SLC23A1: variants seen among roughly 807,000 people sequenced by gnomAD.
SLC23A1 encodes the protein Na(+)/L-ascorbic acid transporter 1.
SLC23A1 carries 31 observed loss-of-function variants against 62.5 expected under a neutral mutation model. The observed-to-expected ratio is 0.50, with a 90% CI of 0.37 to 0.67. The LOEUF (loss-of-function observed/expected upper bound fraction) is 0.67. Among genes scored for constraint, SLC23A1 ranks in the 30% least tolerant of loss-of-function variants. The pLI is 0.00. For missense variants in SLC23A1, 640 were observed against 782.7 expected, an observed-to-expected ratio of 0.82 and a Z score of 2.18; for synonymous variants, 271 against 313.2, an observed-to-expected ratio of 0.87 and a Z score of 1.42.
rs72552210 is a variant in SLC23A1 at position 139,367,870 on chromosome 5, A to G, written c.*20-239T>C. Reference sequence around the variant, plus strand: ...GTTACTGGATTTCTGGTTACACTTAAGCAAACTGAATTTCAATTCCTATTT... The same window carrying G: ...GTTACTGGATTTCTGGTTACACTTAGGCAAACTGAATTTCAATTCCTATTT... On this transcript the variant is annotated intron_variant, in intron 14 of 14. Coordinates refer to ENST00000348729, the MANE Select transcript of SLC23A1 (RefSeq NM_005847.5). Among the ~76,000 whole-genome samples, 1,193 of 152,308 alleles carry G rather than the reference A, an allele frequency of 7.8e-3. 20 individuals are homozygous for G. The highest frequency in any genetic ancestry group is 0.04 in the East Asian group (206 of 5,192).
chr5:139,370,786 TA>T (rs1561970158), intron 14 of SLC23A1, among the ~76,000 whole-genome samples: 1 of 151,332 alleles, frequency 6.6e-6, no homozygotes, highest in Admixed American at 6.6e-5. Flanking sequence ...GAAAAAAATT[TA>T]AAAAAAGAAA....
At chr5:139,368,044 C>T (rs988419009) in intron 14 of SLC23A1, among the ~76,000 whole-genome samples, 1 of 151,752 alleles carries the variant, frequency 6.6e-6, no homozygotes, top group East Asian at 1.9e-4. Flanking sequence ...ACTAAAAATA[C>T]GAAAAATTAG....
In SLC23A1 at chr5:139,378,056, G is replaced by A. The variant is rs982840102; in HGVS notation, c.1372C>T (p.Leu458Phe). The A allele has an allele frequency of 1.5e-5, 24 of 1,614,188 alleles. No homozygotes were observed. The highest frequency in any genetic ancestry group is 1.9e-5 in the Non-Finnish European group (23 of 1,180,010). ...AACATGGAAAATCCCAGCACGAAGA[G>A]GTTGCGAGAGGAGTTCATGTCCACA... ...QFVDMNSSRN[L>F]FVLGFSMFFG... Residue 458 changes from leucine to phenylalanine, a missense_variant, in exon 12 of 15, where the codon CTC becomes TTC. Transcript: ENST00000348729. This position sits in a 1 kb window ranked among gnomAD's most constrained non-coding sequence, Gnocchi z 4.5.
chr5:139,381,219 A>G (rs938978678), intron 3 of SLC23A1, among the ~76,000 whole-genome samples: 11 of 152,192 alleles, frequency 7.2e-5, no homozygotes, highest in Admixed American at 6.5e-5. Context: ...CGCTGCTCAA[A>G]CAGCTCAAAT....
chr5:139,372,879 G>A lies in SLC23A1; in HGVS notation c.1550-626C>T, dbSNP rs970702565. Among the ~76,000 whole-genome samples, 12 of 152,144 alleles carry A rather than the reference G, an allele frequency of 7.9e-5. No homozygotes were observed. In the South Asian group the frequency reaches 1.5e-3, roughly 18 times the overall value. On this transcript the variant is annotated intron_variant, in intron 13 of 14. Coordinates refer to ENST00000348729, the MANE Select transcript of SLC23A1 (RefSeq NM_005847.5). ...ATTATAAGCGTGAGCCACTGTGCCC[G>A]GCCTATACAAAATTTTAAGATGAAG...
At chr5:139,385,666 A>G (rs922516685), upstream of SLC23A1, among the ~76,000 whole-genome samples, 2 of 152,224 alleles carry the variant, frequency 1.3e-5, no homozygotes, top group Non-Finnish European at 2.9e-5. Context: ...TAACTTAATC[A>G]GTTCCATCTT....
chr5:139,372,232 A>C lies in SLC23A1; in HGVS notation c.1571T>G (p.Leu524Arg), dbSNP rs1757708831. The C allele has an allele frequency of 6.2e-7, 1 of 1,613,772 alleles. No individual in the cohort carries two copies. The highest frequency in any genetic ancestry group is 1.7e-5 in the Admixed American group (1 of 59,994). The part of the protein sequence containing the change: ...TVPGSPEERG[L>R]IQWKAGAHAN... Reference sequence around the variant, plus strand: ...ATGAGCCCCAGCTTTCCACTGTATCAGACCACGCTCCTCTGGGCTCCCTGG... The same window carrying C: ...ATGAGCCCCAGCTTTCCACTGTATCCGACCACGCTCCTCTGGGCTCCCTGG... The change falls in exon 14 of 15, where the codon CTG becomes CGG. Residue 524 changes from leucine (L) to arginine (R), a missense_variant. Transcript: ENST00000348729.
rs1037614724 is a variant in SLC23A1 at position 139,378,966 on chromosome 5, G to A, written c.1073+241C>T. Reference sequence around the variant, plus strand: ...TGCATAAGAATGCACAGTCAGAGCCGGGCACATGGAGGGCTGTCAATGACG... The same window carrying A: ...TGCATAAGAATGCACAGTCAGAGCCAGGCACATGGAGGGCTGTCAATGACG... On this transcript the variant is annotated intron_variant, in intron 9 of 14. Transcript: ENST00000348729. This position sits in a 1 kb window ranked among gnomAD's most constrained non-coding sequence, Gnocchi z 4.5. 4.6e-5 allele frequency among the ~76,000 whole-genome samples: 7 copies of A among 152,156 alleles called. No homozygotes were observed. Among genetic ancestry groups the A allele is most frequent in the Non-Finnish European group, 8.8e-5 (6 of 68,032 alleles).
intron 14 of SLC23A1, among the ~76,000 whole-genome samples, chr5:139,371,293 C>G (rs1287339594): frequency 6.6e-6 from 1 of 152,122 alleles, no homozygotes; most frequent in Non-Finnish European, 1.5e-5. Flanking sequence ...ATTAAGGAGT[C>G]ATCTAGGCTA....
At chr5:139,373,876 C>G (rs528047728) in intron 13 of SLC23A1, among the ~76,000 whole-genome samples, 1 of 152,092 alleles carries the variant, frequency 6.6e-6, no homozygotes, top group African/African-American at 2.4e-5. Context: ...TTCTGGTGTC[C>G]GATTACCTCG....
At chr5:139,374,381 C>T (rs1052737805) in intron 13 of SLC23A1, among the ~76,000 whole-genome samples, 1 of 152,042 alleles carries the variant, frequency 6.6e-6, no homozygotes, top group Non-Finnish European at 1.5e-5. Flanking sequence ...CTGGGAGGCA[C>T]AGCCAAGATT....
upstream of SLC23A1, among the ~76,000 whole-genome samples, chr5:139,383,761 G>A (rs531387853): frequency 2.0e-5 from 3 of 152,350 alleles, no homozygotes; most frequent in African/African-American, 4.8e-5. Flanking sequence ...TGTGCTGGGC[G>A]GTATTAACCC....
chr5:139,380,463 T>A, intron 5 of SLC23A1, 74 bp from the exon 6 acceptor site: 1 of 1,599,968 alleles, frequency 6.3e-7, no homozygotes, highest in Non-Finnish European at 8.6e-7. Flanking sequence ...GGAACAAAGC[T>A]CCTGGACCAC....
At chr5:139,368,718 G>T in intron 14 of SLC23A1, 1 of 1,596,220 alleles carries the variant, frequency 6.3e-7, no homozygotes, top group Non-Finnish European at 8.6e-7. Context: ...GCTTTTTTAT[G>T]TACTTATTTT....
chr5:139,371,622 A>G (rs1459104830), intron 14 of SLC23A1, among the ~76,000 whole-genome samples: 4 of 152,240 alleles, frequency 2.6e-5, no homozygotes, highest in Non-Finnish European at 5.9e-5. Context: ...CGCATATCAA[A>G]GTGATACTTG....
intron 14 of SLC23A1, among the ~76,000 whole-genome samples, chr5:139,371,200 C>T (rs1216122825): frequency 6.6e-6 from 1 of 152,212 alleles, no homozygotes; most frequent in Non-Finnish European, 1.5e-5. Flanking sequence ...GCAGTAATAA[C>T]TGTCTCTGGA....
chr5:139,381,991 A>T lies in SLC23A1; in HGVS notation c.209T>A (p.Leu70Gln). 3.1e-6 allele frequency: 5 copies of T among 1,605,818 alleles called. No individual in the cohort carries two copies. The highest frequency in any genetic ancestry group is 4.3e-6 in the Non-Finnish European group (5 of 1,176,218). Residue 70 changes from leucine (L) to glutamine (Q), a missense_variant, in exon 3 of 15, where the codon CTG becomes CAG. By Grantham distance (113) the Leu-to-Gln change is moderately radical (BLOSUM62 -2). Transcript: ENST00000348729. ...IAVPFLLAEA[L>Q]CVGHDQHMVS... The stretch of plus-strand genomic sequence containing the variant: ...CATGTGCTGGTCGTGGCCCACACAC[A>T]GCGCCTCAGCCAGCAGGAAGGGCAC...
chr5:139,370,818 C>T (rs944626455), intron 14 of SLC23A1, among the ~76,000 whole-genome samples: 4 of 151,578 alleles, frequency 2.6e-5, no homozygotes, highest in African/African-American at 9.7e-5. Flanking sequence ...AGGCTGGGTG[C>T]GGTGGCTCAC....
intron 1 of SLC23A1, 24 bp downstream of exon 1, chr5:139,383,182 CTGCCCCCCCTAG>C: frequency 3.6e-6 from 1 of 275,506 alleles, no homozygotes; most frequent in South Asian, 3.7e-5. Flanking sequence ...CCCACCCCCC[CTGCCCCCCCTAG>C]CCCCCACCCC....
Sources: gnomAD v4.1 joint callset for allele counts (sites outside exome capture counted in the v4.1 genomes callset) on GRCh38, gnomAD v4.1.1 for gene constraint, Gnocchi (gnomAD v3.1) non-coding constraint, MANE v1.5 for transcripts, NCBI Gene and HGNC (gene_info 2026-07-23, HGNC 2026-07-21) for gene names.